Variants in NUDT9 observed in about 807,000 individuals in gnomAD.
NUDT9 encodes ADP-ribose pyrophosphatase.
Under a neutral mutation model 41.0 loss-of-function variants are expected in NUDT9, and 31 were observed. That is an observed-to-expected ratio of 0.76 (90% CI 0.57 to 1.02). The LOEUF (loss-of-function observed/expected upper bound fraction) is 1.02. NUDT9 is among the 50% of genes least tolerant of loss of function. The probability of loss-of-function intolerance (pLI) is 0.00; values close to 1 mark genes in which losing one functional copy is unlikely to be tolerated. For synonymous variants in NUDT9, 146 were observed against 147.6 expected, an observed-to-expected ratio of 0.99 and a Z score of 0.08; for missense variants, 380 against 431.4, an observed-to-expected ratio of 0.88 and a Z score of 1.06.
chr4:87,434,857 G>A (rs563244442), intron 1 of NUDT9, 124 bp from the exon 2 acceptor site: 316 of 758,234 alleles, frequency 4.2e-4, no homozygotes, highest in Non-Finnish European at 5.6e-4. Flanking sequence ...AACCTCAGGT[G>A]ATCCACCTAC....
intron 4 of NUDT9, among the ~76,000 whole-genome samples, chr4:87,442,225 A>T (rs1000954559): frequency 5.3e-5 from 8 of 152,258 alleles, no homozygotes; most frequent in African/African-American, 1.9e-4. Flanking sequence ...CTTAGGCTAC[A>T]AGCCTGTACA....
chr4:87,435,467 A>G (rs948344059), intron 2 of NUDT9, among the ~76,000 whole-genome samples: 5 of 152,230 alleles, frequency 3.3e-5, no homozygotes, highest in South Asian at 4.1e-4. Context: ...AACAAATAGC[A>G]TCAGCTATGT....
chr4:87,452,595 C>T (rs1722797545), intron 6 of NUDT9, among the ~76,000 whole-genome samples: 1 of 151,656 alleles, frequency 6.6e-6, no homozygotes, highest in Non-Finnish European at 1.5e-5. Context: ...GGACCACAGG[C>T]AAACACCACC....
chr4:87,446,141 T>A (rs1371631332), intron 4 of NUDT9, among the ~76,000 whole-genome samples: 1 of 152,126 alleles, frequency 6.6e-6, no homozygotes, highest in Non-Finnish European at 1.5e-5. Context: ...TGAAGAGCAG[T>A]AGCTGTATTG....
chr4:87,422,922 TG>T lies in NUDT9; in HGVS notation c.20del (p.Gly7GlufsTer4). On this transcript the variant is annotated frameshift_variant, in exon 1 of 8. Transcript: ENST00000302174. LOFTEE classifies it high-confidence loss of function. MAGRL[L>X]GKALAAVSLS... ...GGGGCGCTCATGGCGGGACGCCTCC[TG>T]GGAAAGGCTTTAGCCGCGGTGTCTC... 6.2e-7 allele frequency: 1 copy of T among 1,611,332 alleles called. No individual in the cohort carries two copies. The highest frequency in any genetic ancestry group is 8.5e-7 in the Non-Finnish European group (1 of 1,179,672).
chr4:87,426,960 C>A (rs1302731700), intron 1 of NUDT9, among the ~76,000 whole-genome samples: 63 of 132,554 alleles, frequency 4.8e-4, no homozygotes, highest in African/African-American at 1.1e-3. Flanking sequence ...AAAACTAAAC[C>A]AAAAAAAAAA....
In NUDT9 at chr4:87,449,202, A is replaced by G. The variant is rs779268661; in HGVS notation, c.591A>G (p.Leu197=). 15 of 1,611,886 alleles carry G rather than the reference A, an allele frequency of 9.3e-6. No individual in the cohort carries two copies. The Admixed American group carries it at 2.5e-4, about 27-fold the overall frequency. Residue 197 remains leucine (L), a synonymous_variant, in exon 5 of 8, where the codon TTA becomes TTG. Coordinates refer to ENST00000302174, the MANE Select transcript of NUDT9 (RefSeq NM_024047.5). ...IMHPVSGKHI[L]QFVAIKRKDC... is the part of the protein sequence containing the mutation. Reference sequence around the variant, plus strand: ...ATCCTGTTTCTGGGAAGCATATCTTACAATTTGTTGCAATAAAAAGGAAAG... The same window carrying G: ...ATCCTGTTTCTGGGAAGCATATCTTGCAATTTGTTGCAATAAAAAGGAAAG...
chr4:87,454,634 CA>C (rs1402619545), intron 7 of NUDT9, among the ~76,000 whole-genome samples, 179 bp downstream of exon 7: 1 of 152,142 alleles, frequency 6.6e-6, no homozygotes, highest in Admixed American at 6.5e-5. Context: ...AAGAAATCTT[CA>C]AAACTTTTAT....
intron 4 of NUDT9, among the ~76,000 whole-genome samples, chr4:87,443,300 G>A (rs1360455531): frequency 6.6e-6 from 1 of 152,150 alleles, no homozygotes; most frequent in African/African-American, 2.4e-5. Flanking sequence ...GCATGCAGAT[G>A]TATATATAAT....
chr4:87,423,734 T>A (rs1721265258), intron 1 of NUDT9, among the ~76,000 whole-genome samples: 1 of 152,178 alleles, frequency 6.6e-6, no homozygotes, highest in African/African-American at 2.4e-5. Flanking sequence ...CTCGAACATG[T>A]GATGGGCACT....
At chr4:87,456,657 G>A (rs899124299) in intron 7 of NUDT9, among the ~76,000 whole-genome samples, 1 of 152,128 alleles carries the variant, frequency 6.6e-6, no homozygotes, top group Non-Finnish European at 1.5e-5. Context: ...TACCCTTTAA[G>A]TGTTCCTACC....
At chr4:87,448,794 C>T (rs1001016491) in intron 4 of NUDT9, among the ~76,000 whole-genome samples, 3 of 152,062 alleles carry the variant, frequency 2.0e-5, no homozygotes, top group African/African-American at 4.8e-5. Context: ...AAAGGGGATT[C>T]GTAAACTTAT....
At position 87,422,944 on chromosome 4, in the gene NUDT9, GTC is replaced by G. The variant is rs763970866; in HGVS notation, c.49_50del (p.Leu17GlyfsTer30). ...TCCTGGGAAAGGCTTTAGCCGCGGT[GTC>G]TCTCTCTCTGGCCTTGGCCTCTGTG... is the stretch of plus-strand genomic sequence containing the variant. The part of the protein sequence containing the change: ...RLLGKALAAV[S>X]LSLALASVTI... On this transcript the variant is annotated frameshift_variant, in exon 1 of 8. Coordinates refer to ENST00000302174, the MANE Select transcript of NUDT9 (RefSeq NM_024047.5). LOFTEE classifies it high-confidence loss of function. The G allele has an allele frequency of 2.9e-5, 47 of 1,612,246 alleles. No individual in the cohort carries two copies. Among genetic ancestry groups the G allele is most frequent in the East Asian group, 8.9e-5 (4 of 44,798 alleles).
intron 3 of NUDT9, among the ~76,000 whole-genome samples, chr4:87,441,579 A>G (rs1013286305): frequency 1.3e-5 from 2 of 152,204 alleles, no homozygotes; most frequent in Admixed American, 1.3e-4. Flanking sequence ...AAATCATCAC[A>G]TTGTAGAACC....
intron 7 of NUDT9, among the ~76,000 whole-genome samples, chr4:87,455,771 C>T (rs570850238): frequency 6.6e-6 from 1 of 151,692 alleles, no homozygotes; most frequent in East Asian, 1.9e-4. Flanking sequence ...AGGCGATTCT[C>T]CTGCCTCAGA....
chr4:87,422,690 C>G lies in NUDT9; in HGVS notation c.-216C>G, dbSNP rs549874539. The G allele has an allele frequency of 4.8e-6, 2 of 414,336 alleles. No homozygotes were observed. The highest frequency in any genetic ancestry group is 7.4e-5 in the East Asian group (2 of 27,190). 25.7% of individuals were successfully genotyped at this position (414,336 alleles called of 1,614,324 possible). On this transcript the variant is annotated 5_prime_UTR_variant, in exon 1 of 8. Transcript: ENST00000302174. The stretch of plus-strand genomic sequence containing the variant: ...GTCACGTGCTGGTCTGGATTTTTCT[C>G]GATGCACTGGGGAAAGCGGTGGACT...
intron 1 of NUDT9, among the ~76,000 whole-genome samples, chr4:87,428,717 A>G (rs1218866916): frequency 1.3e-5 from 2 of 152,210 alleles, no homozygotes; most frequent in African/African-American, 4.8e-5. Context: ...GGTAGCACAG[A>G]GGACTTTAAA....
At chr4:87,432,339 C>G (rs995665638) in intron 1 of NUDT9, among the ~76,000 whole-genome samples, 1 of 152,190 alleles carries the variant, frequency 6.6e-6, no homozygotes, top group Non-Finnish European at 1.5e-5. Context: ...TTGGTTGTGA[C>G]CCATCACATG....
chr4:87,459,316 A>G lies in NUDT9; in HGVS notation c.*1295A>G, dbSNP rs945694816. The G allele has an allele frequency of 6.6e-6, 1 of 152,220 alleles. No homozygotes were observed. The highest frequency in any genetic ancestry group is 2.4e-5 in the African/African-American group (1 of 41,448). The allele number at this position is 152,220 out of a possible 1,614,324, so 9.4% of individuals were successfully genotyped here. On this transcript the variant is annotated 3_prime_UTR_variant, in exon 8 of 8. Transcript: ENST00000302174. The stretch of plus-strand genomic sequence containing the variant: ...GAGGAGGGAGAGGATCAGGAAAAAT[A>G]ACTAATGAGTACTAGGCTTAATACC...
Sources: gnomAD v4.1 joint callset for allele counts (sites outside exome capture counted in the v4.1 genomes callset) on GRCh38, gnomAD v4.1.1 for gene constraint, MANE v1.5 for transcripts, NCBI Gene and HGNC (gene_info 2026-07-23, HGNC 2026-07-21) for gene names.